ACTR3C: variants seen among roughly 807,000 people sequenced by gnomAD.
ACTR3C encodes actin related protein 3C, also known as actin-related protein 3C.
Under a neutral mutation model 26.3 loss-of-function variants are expected in ACTR3C, and 18 were observed. The observed-to-expected ratio is 0.68, with a 90% CI of 0.47 to 1.01. ACTR3C has a LOEUF of 1.01. Among genes scored for constraint, ACTR3C ranks in the 50% least tolerant of loss-of-function variants. The pLI, the probability that ACTR3C is intolerant of heterozygous loss-of-function variation, is 0.00. For synonymous variants in ACTR3C, 55 were observed against 94.5 expected (o/e 0.58, Z 2.42); for missense variants, 184 against 250.7 (o/e 0.73, Z 1.80).
chr7:150,280,488 A>C (rs1190594874), intron 6 of ACTR3C, among the ~76,000 whole-genome samples: 1 of 152,204 alleles, frequency 6.6e-6, no homozygotes, highest in African/African-American at 2.4e-5. Context: ...CAGAGAGTGG[A>C]ATGGCAGTTA....
At chr7:150,164,509 T>C in the ACTR3C span, among the ~76,000 whole-genome samples, 11 of 93,106 alleles carry the variant, frequency 1.2e-4, no homozygotes, top group Non-Finnish European at 3.4e-4. Flanking sequence ...CTTCAAAACA[T>C]AGGTTTTTCT....
chr7:150,089,014 A>C, the ACTR3C span, among the ~76,000 whole-genome samples: 37 of 152,258 alleles, frequency 2.4e-4, no homozygotes, highest in South Asian at 8.3e-4. Flanking sequence ...ACAAATATTT[A>C]TTTTAAGTGA....
At chr7:150,297,278 G>A (rs1794982636) in intron 1 of ACTR3C, among the ~76,000 whole-genome samples, 1 of 150,486 alleles carries the variant, frequency 6.6e-6, no homozygotes, top group Non-Finnish European at 1.5e-5. Flanking sequence ...TAATTACCCT[G>A]ATCTGATAAC....
the ACTR3C span, among the ~76,000 whole-genome samples, chr7:150,232,929 T>C: frequency 6.6e-6 from 1 of 152,192 alleles, no homozygotes; most frequent in Non-Finnish European, 1.5e-5. Flanking sequence ...CCATCATTGC[T>C]GTCATTCACT....
the ACTR3C span, among the ~76,000 whole-genome samples, chr7:150,206,510 G>T: frequency 6.6e-6 from 1 of 152,050 alleles, no homozygotes; most frequent in Non-Finnish European, 1.5e-5. Context: ...ACCTCCCGGG[G>T]TCAAGCGATT....
the ACTR3C span, among the ~76,000 whole-genome samples, chr7:149,967,363 G>A: frequency 6.6e-6 from 1 of 152,004 alleles, no homozygotes; most frequent in African/African-American, 2.4e-5. Context: ...GTAGAGACAG[G>A]GTTTCACCAT....
At chr7:149,992,671 A>G in the ACTR3C span, among the ~76,000 whole-genome samples, 1 of 152,254 alleles carries the variant, frequency 6.6e-6, no homozygotes, top group East Asian at 1.9e-4. Flanking sequence ...CGTAGAAGTG[A>G]ACGTGGCAAA....
the ACTR3C span, among the ~76,000 whole-genome samples, chr7:150,050,474 T>C: frequency 6.6e-6 from 1 of 152,094 alleles, no homozygotes; most frequent in Non-Finnish European, 1.5e-5. Context: ...TCTAAGAAAA[T>C]ATGATAAGCG....
At position 150,295,309 on chromosome 7, in the gene ACTR3C, A is replaced by G; in HGVS notation, c.-13T>C. 6.2e-7 allele frequency: 1 copy of G among 1,614,064 alleles called. No homozygotes were observed. Among genetic ancestry groups the G allele is most frequent in the Non-Finnish European group, 8.5e-7 (1 of 1,179,872 alleles). On this transcript the variant is annotated 5_prime_UTR_variant, in exon 2 of 8. Transcript: ENST00000683684. ...ATGATTCGAACATAATTTCTGCAAG[A>G]TACTCTCTGTTTTCTGGTGTATTGA...
the ACTR3C span, among the ~76,000 whole-genome samples, chr7:150,122,971 G>A: frequency 4.7e-5 from 7 of 150,112 alleles, no homozygotes; most frequent in Admixed American, 1.3e-4. Flanking sequence ...ATCATTCTCA[G>A]CAAACAAACA....
chr7:149,885,072 A>G, the ACTR3C span, among the ~76,000 whole-genome samples: 8 of 152,110 alleles, frequency 5.3e-5, no homozygotes, highest in African/African-American at 1.9e-4. Context: ...GATGCTTAGC[A>G]GTACCGCCTC....
the ACTR3C span, among the ~76,000 whole-genome samples, chr7:149,988,362 A>C: frequency 6.6e-6 from 1 of 152,152 alleles, no homozygotes; most frequent in East Asian, 1.9e-4. Context: ...TGCTTGTCCC[A>C]GTGTTAGGGA....
chr7:150,064,059 A>G, the ACTR3C span, among the ~76,000 whole-genome samples: 3 of 152,008 alleles, frequency 2.0e-5, no homozygotes, highest in Non-Finnish European at 4.4e-5. Context: ...GTACTTCCAG[A>G]AAAAGGGCAA....
chr7:150,199,738 A>AAC, the ACTR3C span, among the ~76,000 whole-genome samples: 898 of 141,682 alleles, frequency 6.3e-3, 35 homozygotes, highest in African/African-American at 0.023. Context: ...AAAAAAAAAA[A>AAC]AAAAAAAAAC....
chr7:150,140,673 A>G, the ACTR3C span, among the ~76,000 whole-genome samples: 2 of 152,224 alleles, frequency 1.3e-5, no homozygotes, highest in African/African-American at 4.8e-5. Context: ...CTTTTCAAAA[A>G]GCAACACTGA....
rs1234347187 is a variant in ACTR3C, at chr7:150,248,965, G to A, written c.*21C>T. 1.0e-4 allele frequency: 62 copies of A among 619,626 alleles called. No individual in the cohort carries two copies. The East Asian group carries it at 1.7e-3, about 17-fold the overall frequency. 38.4% of individuals were successfully genotyped at this position (619,626 alleles called of 1,614,324 possible). A position where few individuals can be genotyped will look rare whatever the true frequency, so the allele number is the denominator to read the frequency against. On this transcript the variant is annotated 3_prime_UTR_variant, in exon 7 of 8. Transcript: ENST00000683684. ...GAGAATACCTCAAATAAAAGGCTAC[G>A]CATGGGCTCAATATATCATCTCAAT...
At chr7:150,243,621 C>T (rs1186917766), downstream of ACTR3C, among the ~76,000 whole-genome samples, 1 of 152,084 alleles carries the variant, frequency 6.6e-6, no homozygotes, top group Non-Finnish European at 1.5e-5. Context: ...GCTCAAGTTC[C>T]TTCTATAAAG....
At chr7:150,168,592 T>A in the ACTR3C span, among the ~76,000 whole-genome samples, 1 of 150,836 alleles carries the variant, frequency 6.6e-6, no homozygotes, top group Non-Finnish European at 1.5e-5. Flanking sequence ...ACCCATCACC[T>A]GCCACTCCAT....
the ACTR3C span, among the ~76,000 whole-genome samples, chr7:149,996,590 T>A: frequency 1.1e-4 from 16 of 151,944 alleles, no homozygotes; most frequent in Admixed American, 2.0e-4. Context: ...AAAAAATAAA[T>A]AAATAAATAA....
Sources: allele counts gnomAD v4.1 joint callset (sites outside exome capture counted in the v4.1 genomes callset), GRCh38; gene constraint gnomAD v4.1.1; transcripts MANE v1.5; gene names NCBI Gene and HGNC (gene_info 2026-07-23, HGNC 2026-07-21).